TULP2: variants seen among roughly 807,000 people sequenced by gnomAD.
TULP2 encodes TUB like protein 2, also known as tubby-related protein 2.
TULP2 carries 64 observed loss-of-function variants against 60.3 expected under a neutral mutation model. The ratio of observed to expected loss-of-function variants is 1.06; its 90% CI spans 0.87 to 1.31. The LOEUF is 1.31. Ranked by LOEUF, TULP2 falls within the 50% of genes most tolerant of loss-of-function variation. The pLI, the probability that TULP2 is intolerant of heterozygous loss-of-function variation, is 0.00. For synonymous variants in TULP2, 267 were observed against 265.4 expected, an observed-to-expected ratio of 1.01 and a Z score of -0.06; for missense variants, 652 against 667.0, an observed-to-expected ratio of 0.98 and a Z score of 0.25.
Position 48,897,277 on chromosome 19 carries a change from G to C in TULP2, c.84+68C>G, listed in dbSNP as rs1196938176. 2.6e-6 allele frequency: 4 copies of C among 1,554,232 alleles called. No homozygotes were observed. The highest frequency in any genetic ancestry group is 3.5e-6 in the Non-Finnish European group (4 of 1,132,934). On this transcript the variant is annotated intron_variant, in intron 3 of 12. Coordinates refer to ENST00000221399, the MANE Select transcript of TULP2 (RefSeq NM_003323.3). The surrounding 1 kb of genome is among the most constrained non-coding windows in gnomAD (Gnocchi z 4.0). Reference sequence around the variant, plus strand: ...GCTGGGAGTCCTAGAGCAAGACCTGGTGGAGAGGCCCCTGGGGAGGCACAG... The same window carrying C: ...GCTGGGAGTCCTAGAGCAAGACCTGCTGGAGAGGCCCCTGGGGAGGCACAG...
chr19:48,884,694 T>G (rs1201438047), intron 9 of TULP2, among the ~76,000 whole-genome samples: 101 of 151,078 alleles, frequency 6.7e-4, no homozygotes, highest in African/African-American at 2.3e-3. Flanking sequence ...TGCTTGAACC[T>G]GGGAGGCGGA....
Position 48,888,115 on chromosome 19 carries a change from G to T in TULP2, c.783C>A (p.Ile261=). The T allele has an allele frequency of 6.2e-7, 1 of 1,614,216 alleles. No homozygotes were observed. The highest frequency in any genetic ancestry group is 8.5e-7 in the Non-Finnish European group (1 of 1,180,026). Residue 261 remains isoleucine (I), a synonymous_variant, in exon 8 of 13, where the codon ATC becomes ATA. Transcript: ENST00000221399. ...DHMRHEASLA[I]RSPCPGLEED... Reference sequence around the variant, plus strand: ...CCTCCAGCCCAGGGCAGGGGGAGCGGATTGCCAAGGAGGCTTCGTGCCTCA... The same window carrying T: ...CCTCCAGCCCAGGGCAGGGGGAGCGTATTGCCAAGGAGGCTTCGTGCCTCA...
intron 6 of TULP2, among the ~76,000 whole-genome samples, chr19:48,892,516 G>C (rs7254607): frequency 6.9e-6 from 1 of 144,622 alleles, no homozygotes. Context: ...TTTTTTTTTT[G>C]GGGGGGGGAC....
chr19:48,881,767 C>G (rs1203888782), intron 12 of TULP2, among the ~76,000 whole-genome samples: 1 of 152,102 alleles, frequency 6.6e-6, no homozygotes, highest in Non-Finnish European at 1.5e-5. Context: ...ATCCACCCAC[C>G]TCGGTCTCCC....
rs1163000687 is a variant in TULP2 at position 48,889,628 on chromosome 19, G to T, written c.518C>A (p.Thr173Asn). Residue 173 changes from threonine to asparagine, a missense_variant, in exon 7 of 13, where the codon ACC (threonine) becomes AAC (asparagine). By Grantham distance (65) the Thr-to-Asn change is moderately conservative. Coordinates refer to ENST00000221399, the MANE Select transcript of TULP2 (RefSeq NM_003323.3). ...GGAGTCACTCTCACCCTCTGCACGG[G>T]TCCCTAATGTGGGGAAAAGCAAGAG... Reference protein sequence around the residue: ...KGWQAHQRPGTRAEGESDSQD... With the variant: ...KGWQAHQRPGNRAEGESDSQD... 4 of 1,576,446 alleles carry T rather than the reference G, an allele frequency of 2.5e-6. No individual in the cohort carries two copies. The Admixed American group carries it at 5.1e-5, about 20-fold the overall frequency.
At chr19:48,888,931 C>A (rs2037207958) in intron 7 of TULP2, among the ~76,000 whole-genome samples, 1 of 149,178 alleles carries the variant, frequency 6.7e-6, no homozygotes. Context: ...CTGCAACTGG[C>A]CCTTTTCGAT....
chr19:48,882,109 C>G lies in TULP2; in HGVS notation c.1370G>C (p.Gly457Ala), dbSNP rs1182529579. ...ACCATGGAAATTGAGCGTGTAGACA[C>G]CGTTCTCCTTGTCCCACGACGGGGT... ...NKTPSWDKEN[G>A]VYTLNFHGRV... The change falls in exon 12 of 13, where the codon GGT (glycine) becomes GCT (alanine). Residue 457 changes from glycine (G) to alanine (A), a missense_variant. Transcript: ENST00000221399. 1.9e-6 allele frequency: 3 copies of G among 1,613,974 alleles called. No individual in the cohort carries two copies. The East Asian group carries it at 6.7e-5, about 36-fold the overall frequency.
Position 48,884,019 on chromosome 19 carries a change from G to A in TULP2, c.1089C>T (p.Thr363=). 6 of 1,614,054 alleles carry A rather than the reference G, an allele frequency of 3.7e-6. No individual in the cohort carries two copies. The highest frequency in any genetic ancestry group is 5.1e-6 in the Non-Finnish European group (6 of 1,180,008). The change falls in exon 10 of 13, where the codon ACC becomes ACT. Residue 363 remains threonine (T), a synonymous_variant. Coordinates refer to ENST00000221399, the MANE Select transcript of TULP2 (RefSeq NM_003323.3). ...CAGGATTCACCCCATTGTCAAAGAT[G>A]GTGAACTTGGTGCTGAAGACATTGG... ...VRSNVFSTKF[T]IFDNGVNPDR...
chr19:48,884,908 C>CT (rs745788084), intron 9 of TULP2, among the ~76,000 whole-genome samples: 1,896 of 97,324 alleles, frequency 0.019, 191 homozygotes, highest in African/African-American at 0.061. Flanking sequence ...TAGGAACCCT[C>CT]TTTTTTTTTT....
At chr19:48,883,080 A>T (rs779045025) in intron 11 of TULP2, among the ~76,000 whole-genome samples, 2 of 152,070 alleles carry the variant, frequency 1.3e-5, no homozygotes, top group Non-Finnish European at 2.9e-5. Context: ...TTAGACGGGC[A>T]TGGTAGCGGG....
Position 48,888,024 on chromosome 19 carries a change from G to A in TULP2, c.874C>T (p.Arg292Cys), listed in dbSNP as rs150953345. The A allele has an allele frequency of 9.9e-6, 16 of 1,614,232 alleles. No individual in the cohort carries two copies. The highest frequency in any genetic ancestry group is 2.7e-5 in the African/African-American group (2 of 75,068). Residue 292 changes from arginine (R) to cysteine (C), a missense_variant, in exon 8 of 13, where the codon CGT becomes TGT. Coordinates refer to ENST00000221399, the MANE Select transcript of TULP2 (RefSeq NM_003323.3). ...CCCTTGTCCACGCCGTGCTTGTCAC[G>A]GGTGAGGTAGCACTGCATCATGGTG... is the stretch of plus-strand genomic sequence containing the variant. ...PGTMMQCYLT[R>C]DKHGVDKGLF...
intron 7 of TULP2, among the ~76,000 whole-genome samples, chr19:48,889,224 C>A (rs2037210653): frequency 6.6e-6 from 1 of 152,092 alleles, no homozygotes; most frequent in African/African-American, 2.4e-5. Context: ...GATCTGCCCA[C>A]CTCAGCCTCC....
rs2037293366 is a variant in TULP2, at chr19:48,897,465, C to T, written c.33-69G>A. On this transcript the variant is annotated intron_variant, in intron 2 of 12. Transcript: ENST00000221399. The surrounding 1 kb of genome is among the most constrained non-coding windows in gnomAD (Gnocchi z 4.0). ...CGGTTGCCCAAGAGAGTCCCTCCTT[C>T]CCCCATCCTGCCCCTATCTCAGCTT... 3.3e-6 allele frequency: 5 copies of T among 1,517,670 alleles called. No homozygotes were observed. In the African/African-American group the frequency reaches 5.5e-5, roughly 17 times the overall value. The allele number at this position is 1,517,670 out of a possible 1,614,324, so 94.0% of individuals were successfully genotyped here.
At chr19:48,885,313 A>C in intron 9 of TULP2, 135 bp downstream of exon 9, 1 of 664,046 alleles carries the variant, frequency 1.5e-6, no homozygotes, top group Non-Finnish European at 2.6e-6. Flanking sequence ...ATGCCAGCCT[A>C]CGTTCCAAAC....
At chr19:48,883,890 T>C (rs1437486236) in intron 10 of TULP2, 38 bp from the exon 11 acceptor site, 3 of 1,613,838 alleles carry the variant, frequency 1.9e-6, no homozygotes, top group Admixed American at 3.3e-5. Context: ...GGTTCCTTCT[T>C]CTGACTATCC....
At position 48,897,585 on chromosome 19, in the gene TULP2, C is replaced by G. The variant is rs1398784901; in HGVS notation, c.33-189G>C. The G allele has an allele frequency of 4.2e-6, 3 of 708,036 alleles. No individual in the cohort carries two copies. Among genetic ancestry groups the G allele is most frequent in the Non-Finnish European group, 7.1e-6 (3 of 424,832 alleles). 43.9% of individuals were successfully genotyped at this position (708,036 alleles called of 1,614,324 possible). ...TTCTCCTGGCACTGGCCCACAGAAG[C>G]CGGGACCCAGAGATCCCAGGTCCCT... On this transcript the variant is annotated intron_variant, in intron 2 of 12. Coordinates refer to ENST00000221399, the MANE Select transcript of TULP2 (RefSeq NM_003323.3). This position sits in a 1 kb window ranked among gnomAD's most constrained non-coding sequence, Gnocchi z 4.0.
At position 48,883,822 on chromosome 19, in the gene TULP2, G is replaced by C; in HGVS notation, c.1207C>G (p.Arg403Gly). The change falls in exon 11 of 13, where the codon CGG becomes GGG. Residue 403 changes from arginine to glycine, a missense_variant. Physicochemically the swap from Arg to Gly is moderately radical, Grantham distance 125. Transcript: ENST00000221399. Reference sequence around the variant, plus strand: ...CCTGGGAGAATCACAGTCATTTTCCGAGGCCCCAGGTATCCTAAGACGTTG... The same window carrying C: ...CCTGGGAGAATCACAGTCATTTTCCCAGGCCCCAGGTATCCTAAGACGTTG... ...EPNVLGYLGP[R>G]KMTVILPGTN... 1 of 1,614,070 alleles carries C rather than the reference G, an allele frequency of 6.2e-7. No individual in the cohort carries two copies. The highest frequency in any genetic ancestry group is 1.6e-4 in the Middle Eastern group (1 of 6,062).
chr19:48,885,727 TA>T (rs543100814), intron 8 of TULP2, among the ~76,000 whole-genome samples, 167 bp from the exon 9 acceptor site: 245 of 150,414 alleles, frequency 1.6e-3, no homozygotes, highest in African/African-American at 5.4e-3. Flanking sequence ...CTACTAAAAA[TA>T]AAAAAAATTA....
rs1321880913 is a variant in TULP2, at chr19:48,887,978, A to C, written c.920T>G (p.Leu307Arg). Residue 307 changes from leucine (L) to arginine (R), a missense_variant, in exon 8 of 13, where the codon CTC becomes CGC. By Grantham distance (102) the Leu-to-Arg change is moderately radical. Coordinates refer to ENST00000221399, the MANE Select transcript of TULP2 (RefSeq NM_003323.3). ...VDKGLFPLYY[L>R]YLETSDSLQR... Reference sequence around the variant, plus strand: ...CAGGCTGTCAGAGGTCTCCAGGTAGAGGTAGTAGAGGGGGAACAAGCCCTT... The same window carrying C: ...CAGGCTGTCAGAGGTCTCCAGGTAGCGGTAGTAGAGGGGGAACAAGCCCTT... The C allele has an allele frequency of 2.5e-6, 4 of 1,613,366 alleles. No homozygotes were observed. The highest frequency in any genetic ancestry group is 3.4e-6 in the Non-Finnish European group (4 of 1,179,488).
Sources: gnomAD v4.1 joint callset for allele counts (sites outside exome capture counted in the v4.1 genomes callset) on GRCh38, gnomAD v4.1.1 for gene constraint, Gnocchi (gnomAD v3.1) non-coding constraint, MANE v1.5 for transcripts, NCBI Gene and HGNC (gene_info 2026-07-23, HGNC 2026-07-21) for gene names.